The following CCDC85C variants were observed in gnomAD, a reference collection of about 807,000 sequenced individuals.
CCDC85C encodes the protein coiled-coil domain-containing protein 85C.
CCDC85C carries 18 observed loss-of-function variants against 38.3 expected under a neutral mutation model. The ratio of observed to expected loss-of-function variants is 0.47; its 90% confidence interval spans 0.33 to 0.70. CCDC85C has a LOEUF of 0.70. Ranked by LOEUF, CCDC85C falls within the 30% of genes least tolerant of loss-of-function variation. The pLI is 0.03. For missense variants in CCDC85C, 566 were observed against 621.2 expected, an observed-to-expected ratio of 0.91 and a Z score of 0.94; for synonymous variants, 264 against 293.8, an observed-to-expected ratio of 0.90 and a Z score of 1.04.
In CCDC85C at chr14:99,603,539, T is replaced by G; in HGVS notation, c.421A>C (p.Asn141His). The G allele has an allele frequency of 1.4e-6, 2 of 1,383,904 alleles. No homozygotes were observed. Among genetic ancestry groups the G allele is most frequent in the Non-Finnish European group, 1.9e-6 (2 of 1,075,452 alleles). 85.7% of individuals were successfully genotyped at this position (1,383,904 alleles called of 1,614,324 possible). A position where few individuals can be genotyped will look rare whatever the true frequency, so the allele number is the denominator to read the frequency against. ...EARQEALLRENLELKELVLLL... is the reference protein window; with the variant it reads ...EARQEALLREHLELKELVLLL... The stretch of plus-strand genomic sequence containing the variant: ...AGCACCAGCTCCTTGAGCTCCAGGT[T>G]CTCGCGCAGCAGGGCCTCCTGGCGC... Residue 141 changes from asparagine (N) to histidine (H), a missense_variant, in exon 1 of 6, where the codon AAC becomes CAC. Around this residue, in one of 3 missense-constraint regions of CCDC85C, gnomAD observed 269 missense variants for 308.2 expected, o/e 0.87. Coordinates refer to ENST00000380243, the MANE Select transcript of CCDC85C (RefSeq NM_001144995.2). This position sits in a 1 kb window ranked among gnomAD's most constrained non-coding sequence, Gnocchi z 7.5.
chr14:99,598,111 G>A lies in CCDC85C; in HGVS notation c.793+5056C>T, dbSNP rs193288317. Among the ~76,000 whole-genome samples, 21 of 152,294 alleles carry A rather than the reference G, an allele frequency of 1.4e-4. No homozygotes were observed. The East Asian group carries it at 3.9e-3, about 28-fold the overall frequency. On this transcript the variant is annotated intron_variant, in intron 1 of 5. Coordinates refer to ENST00000380243, the MANE Select transcript of CCDC85C (RefSeq NM_001144995.2). ...CATGCGGGGTGCCGAGCGCTGCAGC[G>A]GGAGATGGGGCCTTCGCACATCAGG...
rs1595318980 is a variant in CCDC85C at position 99,503,830 on chromosome 14, TC to T, written c.*11415del. 21 of 593,018 alleles carry T rather than the reference TC, an allele frequency of 3.5e-5. No individual in the cohort carries two copies. In the East Asian group the frequency reaches 5.9e-4, roughly 17 times the overall value. The allele number at this position is 593,018 out of a possible 1,614,324, so 36.7% of individuals were successfully genotyped here. On this transcript the variant is annotated 3_prime_UTR_variant, in exon 6 of 6. Coordinates refer to ENST00000380243, the MANE Select transcript of CCDC85C (RefSeq NM_001144995.2). The stretch of plus-strand genomic sequence containing the variant: ...CTGATCATAGATTCTAAAATTGTGC[TC>T]TTACGAAGCTATCAGTACAGAAAAC...
intron 1 of CCDC85C, among the ~76,000 whole-genome samples, chr14:99,543,623 A>G (rs28418398): frequency 0.046 from 6,990 of 152,172 alleles, 383 homozygotes; most frequent in African/African-American, 0.14. Flanking sequence ...GATGGGGAAG[A>G]CGAAAGGCAC....
chr14:99,591,986 A>G (rs1332734108), intron 1 of CCDC85C, among the ~76,000 whole-genome samples: 1 of 152,128 alleles, frequency 6.6e-6, no homozygotes, highest in Non-Finnish European at 1.5e-5. Flanking sequence ...AGCTTGCCTC[A>G]GCCTCCCAAA....
chr14:99,506,450 C>T lies in CCDC85C; in HGVS notation c.*8796G>A, dbSNP rs1187031143. On this transcript the variant is annotated 3_prime_UTR_variant, in exon 6 of 6. Transcript: ENST00000380243. Reference sequence around the variant, plus strand: ...ATTCTGGCTGCGTGCCGCTGCCTGACCCCGGAAGGGTGGGCTGTTTCCTCC... The same window carrying T: ...ATTCTGGCTGCGTGCCGCTGCCTGATCCCGGAAGGGTGGGCTGTTTCCTCC... The T allele has an allele frequency of 5.2e-5, 8 of 152,826 alleles. No homozygotes were observed. Among genetic ancestry groups the T allele is most frequent in the African/African-American group, 1.9e-4 (8 of 41,452 alleles). The allele number at this position is 152,826 out of a possible 1,614,324, so 9.5% of individuals were successfully genotyped here.
chr14:99,557,590 A>G (rs6575731), intron 1 of CCDC85C, among the ~76,000 whole-genome samples: 83,349 of 152,140 alleles, frequency 0.55, 23,098 homozygotes, highest in African/African-American at 0.62. Context: ...AAGCCAGGCT[A>G]GAAGGAGACA....
At chr14:99,527,133 G>A (rs977251355) in intron 2 of CCDC85C, among the ~76,000 whole-genome samples, 1 of 152,234 alleles carries the variant, frequency 6.6e-6, no homozygotes, top group African/African-American at 2.4e-5. Flanking sequence ...TTCCCACGAG[G>A]GCACGCAGGA....
chr14:99,515,213 G>GC lies in CCDC85C; in HGVS notation c.*32dup. Reference sequence around the variant, plus strand: ...CTGAAACTCCCCCTGGGGACCCCCAGCAGGGCCAGTCCACGTCCACAGAAG... The same window carrying GC: ...CTGAAACTCCCCCTGGGGACCCCCAGCCAGGGCCAGTCCACGTCCACAGAAG... On this transcript the variant is annotated 3_prime_UTR_variant, in exon 6 of 6. Coordinates refer to ENST00000380243, the MANE Select transcript of CCDC85C (RefSeq NM_001144995.2). 5 of 1,510,072 alleles carry GC rather than the reference G, an allele frequency of 3.3e-6. No individual in the cohort carries two copies. The highest frequency in any genetic ancestry group is 4.5e-6 in the Non-Finnish European group (5 of 1,112,698). 93.5% of individuals were successfully genotyped at this position (1,510,072 alleles called of 1,614,324 possible).
intron 1 of CCDC85C, among the ~76,000 whole-genome samples, chr14:99,584,686 A>G (rs150249436): frequency 1.3e-5 from 2 of 152,264 alleles, no homozygotes; most frequent in Admixed American, 6.5e-5. Flanking sequence ...ACTGAAACGC[A>G]AATCCTTCAT....
rs138860825 is a variant in CCDC85C at position 99,600,823 on chromosome 14, G to A, written c.793+2344C>T. Among the ~76,000 whole-genome samples, 739 of 152,220 alleles carry A rather than the reference G, an allele frequency of 4.9e-3. 3 individuals are homozygous for A. Among genetic ancestry groups the A allele is most frequent in the African/African-American group, 0.017 (708 of 41,534 alleles). On this transcript the variant is annotated intron_variant, in intron 1 of 5. Coordinates refer to ENST00000380243, the MANE Select transcript of CCDC85C (RefSeq NM_001144995.2). ...AGACTCATTATCTCCCTCAGCTCAG[G>A]CCCAATCTTTGCTCAATTTAAAGTT...
At chr14:99,597,624 G>A (rs1205402675) in intron 1 of CCDC85C, among the ~76,000 whole-genome samples, 4 of 152,094 alleles carry the variant, frequency 2.6e-5, no homozygotes, top group Non-Finnish European at 5.9e-5. Flanking sequence ...TGCCCTGTGG[G>A]GCTGCCCACA....
rs1415576037 is a variant in CCDC85C at position 99,604,081 on chromosome 14, CCGCGCCGCCTGGCGCGTCCT to C, written c.-142_-123del. On this transcript the variant is annotated 5_prime_UTR_variant, in exon 1 of 6. Coordinates refer to ENST00000380243, the MANE Select transcript of CCDC85C (RefSeq NM_001144995.2). ...CGGCCGGGGGCGCGTGCGGCCCGCC[CCGCGCCGCCTGGCGCGTCCT>C]CTCGCCGCGCCCGCCGGGGCCGCCC... The C allele has an allele frequency of 1.0e-6, 1 of 952,446 alleles. No homozygotes were observed. Among genetic ancestry groups the C allele is most frequent in the Non-Finnish European group, 1.2e-6 (1 of 803,504 alleles). 59.0% of individuals were successfully genotyped at this position (952,446 alleles called of 1,614,324 possible).
intron 1 of CCDC85C, among the ~76,000 whole-genome samples, chr14:99,560,484 T>A (rs1898096417): frequency 6.6e-6 from 1 of 152,110 alleles, no homozygotes; most frequent in Non-Finnish European, 1.5e-5. Flanking sequence ...ACACAGAGAC[T>A]CCAGGGCACC....
At chr14:99,596,698 T>G (rs2055146716) in intron 1 of CCDC85C, among the ~76,000 whole-genome samples, 1 of 152,222 alleles carries the variant, frequency 6.6e-6, no homozygotes, top group South Asian at 2.1e-4. Flanking sequence ...ATCAAGTCCC[T>G]TTAGCAGACA....
chr14:99,603,946 G>T lies in CCDC85C; in HGVS notation c.14C>A (p.Ala5Glu). ...CTCCGACGCCGCCGCCGCCGTCGCCGCGGGCTTAGCCATGGCGGGGCCGTC... is the reference window on the plus strand; with the variant it reads ...CTCCGACGCCGCCGCCGCCGTCGCCTCGGGCTTAGCCATGGCGGGGCCGTC... MAKPAATAAAASEEL... is the reference protein window; with the variant it reads MAKPEATAAAASEEL... Residue 5 changes from alanine (A) to glutamate (E), a missense_variant, in exon 1 of 6, where the codon GCG becomes GAG. Physicochemically the swap from Ala to Glu is moderately radical, Grantham distance 107. Coordinates refer to ENST00000380243, the MANE Select transcript of CCDC85C (RefSeq NM_001144995.2). The surrounding 1 kb of genome is among the most constrained non-coding windows in gnomAD (Gnocchi z 7.5). 1 of 1,403,228 alleles carries T rather than the reference G, an allele frequency of 7.1e-7. No individual in the cohort carries two copies. Among genetic ancestry groups the T allele is most frequent in the Non-Finnish European group, 9.2e-7 (1 of 1,084,248 alleles). 86.9% of individuals were successfully genotyped at this position (1,403,228 alleles called of 1,614,324 possible).
chr14:99,602,904 C>A (rs1028439562), intron 1 of CCDC85C, among the ~76,000 whole-genome samples: 2 of 152,206 alleles, frequency 1.3e-5, no homozygotes, highest in East Asian at 3.8e-4. Flanking sequence ...CAACTACACC[C>A]GCTAGAAACT....
chr14:99,583,515 A>AT (rs1451588613), intron 1 of CCDC85C, among the ~76,000 whole-genome samples: 1 of 150,184 alleles, frequency 6.7e-6, no homozygotes, highest in East Asian at 2.0e-4. Context: ...AAAAAAAAAA[A>AT]AAAAAAAAAT....
chr14:99,602,563 G>T (rs1416555476), intron 1 of CCDC85C, among the ~76,000 whole-genome samples: 5 of 152,172 alleles, frequency 3.3e-5, no homozygotes, highest in Non-Finnish European at 7.3e-5. Flanking sequence ...TAGAGTCTCG[G>T]CTGAGAAAGG....
In CCDC85C at chr14:99,510,087, G is replaced by A. The variant is rs532997666; in HGVS notation, c.*5159C>T. 1.8e-4 allele frequency: 271 copies of A among 1,466,410 alleles called. 1 individual carries two copies. In the East Asian group the frequency reaches 6.2e-3, roughly 34 times the overall value. 90.8% of individuals were successfully genotyped at this position (1,466,410 alleles called of 1,614,324 possible). On this transcript the variant is annotated 3_prime_UTR_variant, in exon 6 of 6. Transcript: ENST00000380243. ...GCTCCTCTGTAAAGATGGCCCTGAA[G>A]GGCCAGGAGGCACTGAAAAAGCAAC...
Sources: allele counts gnomAD v4.1 joint callset (sites outside exome capture counted in the v4.1 genomes callset), GRCh38; gene constraint gnomAD v4.1.1; regional missense constraint gnomAD v4.1.1; non-coding constraint Gnocchi (gnomAD v3.1); transcripts MANE v1.5; gene names NCBI Gene and HGNC (gene_info 2026-07-23, HGNC 2026-07-21).